The following MYADM variants were observed in gnomAD, a reference collection of about 807,000 sequenced individuals.
The protein encoded by MYADM is myeloid associated differentiation marker, also known as myeloid-associated differentiation marker.
For missense variants in MYADM, 416 were observed against 443.4 expected, an observed-to-expected ratio of 0.94 and a Z score of 0.56; for synonymous variants, 224 against 210.2, an observed-to-expected ratio of 1.07 and a Z score of -0.57.
Position 53,874,152 on chromosome 19 carries a change from C to T in MYADM, c.623C>T (p.Ala208Val), listed in dbSNP as rs1481988256. Reference sequence around the variant, plus strand: ...CAGCCGGCCCTGGAGTGGTGCGTGGCGGTGTACGCCATCTGCTTCATCCTA... The same window carrying T: ...CAGCCGGCCCTGGAGTGGTGCGTGGTGGTGTACGCCATCTGCTTCATCCTA... ...QHQPALEWCVAVYAICFILAA... is the reference protein window; with the variant it reads ...QHQPALEWCVVVYAICFILAA... The change falls in exon 3 of 3, where the codon GCG (alanine) becomes GTG (valine). Residue 208 changes from alanine to valine, a missense_variant. Transcript: ENST00000391770. 7 of 1,613,696 alleles carry T rather than the reference C, an allele frequency of 4.3e-6. No homozygotes were observed. The highest frequency in any genetic ancestry group is 1.6e-4 in the Middle Eastern group (1 of 6,062).
intron 2 of MYADM, among the ~76,000 whole-genome samples, chr19:53,870,473 G>A (rs2068360386): frequency 1.3e-5 from 2 of 152,034 alleles, no homozygotes; most frequent in Admixed American, 1.3e-4. Flanking sequence ...TCTGAAGGAG[G>A]AAGGATTAGG....
At position 53,873,571 on chromosome 19, in the gene MYADM, G is replaced by A. The variant is rs147345516; in HGVS notation, c.42G>A (p.Thr14=). 7 of 1,611,616 alleles carry A rather than the reference G, an allele frequency of 4.3e-6. No homozygotes were observed. The highest frequency in any genetic ancestry group is 2.2e-5 in the South Asian group (2 of 90,998). ...TVTRTTITTT[T]TSSSGLGSPM... is the part of the protein sequence containing the mutation. ...CCCGCACCACCATCACAACCACCACGACGTCATCTTCGGGCCTGGGGTCCC... is the reference window on the plus strand; with the variant it reads ...CCCGCACCACCATCACAACCACCACAACGTCATCTTCGGGCCTGGGGTCCC... Residue 14 remains threonine (T), a synonymous_variant, in exon 3 of 3, where the codon ACG becomes ACA. Coordinates refer to ENST00000391770, the MANE Select transcript of MYADM (RefSeq NM_138373.5). The surrounding 1 kb of genome is among the most constrained non-coding windows in gnomAD (Gnocchi z 4.3).
chr19:53,866,462 C>T (rs1175926331), upstream of MYADM: 1 of 152,230 alleles, frequency 6.6e-6, no homozygotes, highest in Admixed American at 6.5e-5. The surrounding 1 kb of genome is among the most constrained non-coding windows in gnomAD (Gnocchi z 4.3). Context: ...GTCCCAGGTC[C>T]CCGCCCTGCC....
rs1478289920 is a variant in MYADM, at chr19:53,875,553, AAAAG to A, written c.*1058_*1061del. On this transcript the variant is annotated 3_prime_UTR_variant, in exon 3 of 3. Coordinates refer to ENST00000391770, the MANE Select transcript of MYADM (RefSeq NM_138373.5). Reference sequence around the variant, plus strand: ...GTGGTATCAAAAAGAAAAAAAAAAAAAAAGAAGGAGTCGGGGCCGGGCGTGGTGG... The same window carrying A: ...GTGGTATCAAAAAGAAAAAAAAAAAAAAGGAGTCGGGGCCGGGCGTGGTGG... 4.2e-5 allele frequency: 7 copies of A among 166,536 alleles called. No individual in the cohort carries two copies. The highest frequency in any genetic ancestry group is 1.9e-4 in the East Asian group (1 of 5,190). 10.3% of individuals were successfully genotyped at this position (166,536 alleles called of 1,614,324 possible). A position where few individuals can be genotyped will look rare whatever the true frequency, so the allele number is the denominator to read the frequency against.
intron 2 of MYADM, among the ~76,000 whole-genome samples, chr19:53,872,085 G>C (rs1331680369): frequency 2.0e-5 from 3 of 151,866 alleles, no homozygotes; most frequent in African/African-American, 7.3e-5. Context: ...TTTTAGTAGA[G>C]ACGGGGTTTC....
At position 53,868,696 on chromosome 19, in the gene MYADM, A is replaced by C. The variant is rs2068290861; in HGVS notation, c.-88+753A>C. ...GTGTGGCGTCTGGAGTGGACGAGGGAGGACACTGAGGGGCTGGGTGTGGCC... is the reference window on the plus strand; with the variant it reads ...GTGTGGCGTCTGGAGTGGACGAGGGCGGACACTGAGGGGCTGGGTGTGGCC... On this transcript the variant is annotated intron_variant, in intron 1 of 2. Coordinates refer to ENST00000391770, the MANE Select transcript of MYADM (RefSeq NM_138373.5). This position sits in a 1 kb window ranked among gnomAD's most constrained non-coding sequence, Gnocchi z 6.3. Among the ~76,000 whole-genome samples, 1 of 151,544 alleles carries C rather than the reference A, an allele frequency of 6.6e-6. No individual in the cohort carries two copies. The highest frequency in any genetic ancestry group is 2.4e-5 in the African/African-American group (1 of 41,226).
upstream of MYADM, among the ~76,000 whole-genome samples, chr19:53,866,901 G>GGA (rs1220777916): frequency 2.6e-5 from 4 of 152,098 alleles, no homozygotes; most frequent in Non-Finnish European, 5.9e-5. The surrounding 1 kb of genome is among the most constrained non-coding windows in gnomAD (Gnocchi z 4.3). Context: ...TGGGCTCAAG[G>GGA]GATCCTCCCT....
At chr19:53,869,592 C>T (rs1368508167) in intron 1 of MYADM, 162 bp from the exon 2 acceptor site, 1 of 152,592 alleles carries the variant, frequency 6.6e-6, no homozygotes, top group Non-Finnish European at 1.5e-5. Flanking sequence ...CCGCCGCAGC[C>T]CAAACAGTTA....
At chr19:53,867,340 A>T (rs568751655), upstream of MYADM, among the ~76,000 whole-genome samples, 1 of 151,936 alleles carries the variant, frequency 6.6e-6, no homozygotes, top group East Asian at 1.9e-4. Flanking sequence ...CCCCCATTGA[A>T]CTGAGGGGCC....
Position 53,868,953 on chromosome 19 carries a change from C to T in MYADM, c.-87-801C>T, listed in dbSNP as rs1036097911. 6.6e-6 allele frequency: 1 copy of T among 152,212 alleles called. No individual in the cohort carries two copies. Among genetic ancestry groups the T allele is most frequent in the African/African-American group, 2.4e-5 (1 of 41,458 alleles). The allele number at this position is 152,212 out of a possible 1,614,324, so 9.4% of individuals were successfully genotyped here. A position where few individuals can be genotyped will look rare whatever the true frequency, so the allele number is the denominator to read the frequency against. On this transcript the variant is annotated intron_variant, in intron 1 of 2. Coordinates refer to ENST00000391770, the MANE Select transcript of MYADM (RefSeq NM_138373.5). The surrounding 1 kb of genome is among the most constrained non-coding windows in gnomAD (Gnocchi z 6.3). Reference sequence around the variant, plus strand: ...GAGTGACGCCCTCGCTCGTCCTCCTCCCCTGCTTGGGACGGGGCAGTAGCC... The same window carrying T: ...GAGTGACGCCCTCGCTCGTCCTCCTTCCCTGCTTGGGACGGGGCAGTAGCC...
At position 53,874,438 on chromosome 19, in the gene MYADM, C is replaced by T; in HGVS notation, c.909C>T (p.Asn303=). Residue 303 remains asparagine (N), a synonymous_variant, in exon 3 of 3, where the codon AAC becomes AAT. Coordinates refer to ENST00000391770, the MANE Select transcript of MYADM (RefSeq NM_138373.5). The part of the protein sequence containing the change: ...RLAVAILTAI[N]LLAYVADLVH... Reference sequence around the variant, plus strand: ...CTGTGGCCATCCTGACGGCCATCAACCTACTGGCGTATGTGGCTGACCTGG... The same window carrying T: ...CTGTGGCCATCCTGACGGCCATCAATCTACTGGCGTATGTGGCTGACCTGG... 1 of 1,614,018 alleles carries T rather than the reference C, an allele frequency of 6.2e-7. No individual in the cohort carries two copies. The highest frequency in any genetic ancestry group is 8.5e-7 in the Non-Finnish European group (1 of 1,179,888).
At position 53,874,775 on chromosome 19, in the gene MYADM, T is replaced by TC. The variant is rs1568740183; in HGVS notation, c.*277_*278insC. On this transcript the variant is annotated 3_prime_UTR_variant, in exon 3 of 3. Transcript: ENST00000391770. ...AGCTGTTTCTCTTTTTCTTTTCTTT[T>TC]TTTTTTTTTTTTTTTTTTAAGACGG... 58 of 58,730 alleles carry TC rather than the reference T, an allele frequency of 9.9e-4. No individual in the cohort carries two copies. Among genetic ancestry groups the TC allele is most frequent in the Middle Eastern group, 5.1e-3 (1 of 196 alleles). 3.6% of individuals were successfully genotyped at this position (58,730 alleles called of 1,614,324 possible).
rs2068436349 is a variant in MYADM, at chr19:53,873,547, C to T, written c.18C>T (p.Thr6=). 1.2e-6 allele frequency: 2 copies of T among 1,606,872 alleles called. No homozygotes were observed. The highest frequency in any genetic ancestry group is 1.7e-6 in the Non-Finnish European group (2 of 1,175,432). The change falls in exon 3 of 3, where the codon ACC becomes ACT. Residue 6 remains threonine (T), a synonymous_variant. Coordinates refer to ENST00000391770, the MANE Select transcript of MYADM (RefSeq NM_138373.5). The surrounding 1 kb of genome is among the most constrained non-coding windows in gnomAD (Gnocchi z 4.3). ...TTGCAGCCATGCCAGTGACGGTAAC[C>T]CGCACCACCATCACAACCACCACGA... MPVTV[T]RTTITTTTTS... is the part of the protein sequence containing the mutation.
rs533417694 is a variant in MYADM, at chr19:53,873,007, C to T, written c.-2-521C>T. 1.3e-5 allele frequency among the ~76,000 whole-genome samples: 2 copies of T among 152,144 alleles called. No homozygotes were observed. Among genetic ancestry groups the T allele is most frequent in the Non-Finnish European group, 2.9e-5 (2 of 68,028 alleles). On this transcript the variant is annotated intron_variant, in intron 2 of 2. Coordinates refer to ENST00000391770, the MANE Select transcript of MYADM (RefSeq NM_138373.5). This position sits in a 1 kb window ranked among gnomAD's most constrained non-coding sequence, Gnocchi z 4.3. ...GGGCCTAGACTCCTGGATTCTGATACGAGTAGGGGAGGAGTGAGCCTTGAA... is the reference window on the plus strand; with the variant it reads ...GGGCCTAGACTCCTGGATTCTGATATGAGTAGGGGAGGAGTGAGCCTTGAA...
rs2068462543 is a variant in MYADM at position 53,874,106 on chromosome 19, G to A, written c.577G>A (p.Asp193Asn). 1.2e-6 allele frequency: 2 copies of A among 1,612,706 alleles called. No homozygotes were observed. Among genetic ancestry groups the A allele is most frequent in the Middle Eastern group, 1.6e-4 (1 of 6,062 alleles). Residue 193 changes from aspartate to asparagine, a missense_variant, in exon 3 of 3, where the codon GAC becomes AAC. By Grantham distance (23) the Asp-to-Asn change is conservative (BLOSUM62 1). Transcript: ENST00000391770. Reference sequence around the variant, plus strand: ...CTGCATCATCTTCGCGTTCATCAGCGACCCCAACCTGTACCAGCACCAGCC... The same window carrying A: ...CTGCATCATCTTCGCGTTCATCAGCAACCCCAACCTGTACCAGCACCAGCC... ...VACIIFAFIS[D>N]PNLYQHQPAL...
At chr19:53,866,678 C>CAGCCCT (rs970632410), upstream of MYADM, among the ~76,000 whole-genome samples, 2 of 152,164 alleles carry the variant, frequency 1.3e-5, no homozygotes, top group Non-Finnish European at 2.9e-5. The surrounding 1 kb of genome is among the most constrained non-coding windows in gnomAD (Gnocchi z 4.3). Flanking sequence ...GCCCCAGCCC[C>CAGCCCT]ATCCTCATTA....
At chr19:53,867,725 G>T (rs866627142), upstream of MYADM, among the ~76,000 whole-genome samples, 19 of 152,176 alleles carry the variant, frequency 1.2e-4, no homozygotes, top group African/African-American at 4.1e-4. Context: ...ACTCTGGGGG[G>T]CGTGGTCTGC....
At chr19:53,872,388 G>A (rs2068409038) in intron 2 of MYADM, among the ~76,000 whole-genome samples, 1 of 152,014 alleles carries the variant, frequency 6.6e-6, no homozygotes, top group African/African-American at 2.4e-5. Context: ...TAGAGACCGA[G>A]TGTCGCCACG....
intron 2 of MYADM, among the ~76,000 whole-genome samples, chr19:53,871,228 A>G (rs879284580): frequency 4.0e-5 from 6 of 151,872 alleles, no homozygotes; most frequent in Non-Finnish European, 7.4e-5. Flanking sequence ...GACTCCATGT[A>G]AAAAAAACAA....
Sources: gnomAD v4.1 joint callset for allele counts (sites outside exome capture counted in the v4.1 genomes callset) on GRCh38, gnomAD v4.1.1 for gene constraint, Gnocchi (gnomAD v3.1) non-coding constraint, MANE v1.5 for transcripts, NCBI Gene and HGNC (gene_info 2026-07-23, HGNC 2026-07-21) for gene names.